The following HDGFL2 variants were observed in gnomAD, a reference collection of about 807,000 sequenced individuals.
The protein encoded by HDGFL2 is hepatoma-derived growth factor-related protein 2.
Under a neutral mutation model 77.1 loss-of-function variants are expected in HDGFL2, and 36 were observed. That is an observed-to-expected ratio of 0.47 (90% CI 0.36 to 0.62). The LOEUF is 0.62. HDGFL2 is among the 20% of genes least tolerant of loss of function. The pLI, the probability that HDGFL2 is intolerant of heterozygous loss-of-function variation, is 0.00. For missense variants in HDGFL2, 976 were observed against 973.4 expected, an observed-to-expected ratio of 1.00 and a Z score of -0.04; for synonymous variants, 463 against 413.1, an observed-to-expected ratio of 1.12 and a Z score of -1.46.
At chr19:4,493,573 G>A (rs1975606056) in intron 6 of HDGFL2, 130 bp from the exon 7 acceptor site, 2 of 1,204,536 alleles carry the variant, frequency 1.7e-6, no homozygotes, top group South Asian at 7.1e-5. Context: ...AGGGGATTCG[G>A]AGCCGGGCCC....
At chr19:4,476,457 T>C (rs1975076577) in intron 3 of HDGFL2, among the ~76,000 whole-genome samples, 1 of 151,694 alleles carries the variant, frequency 6.6e-6, no homozygotes, top group South Asian at 2.1e-4. Context: ...CCTCCCAAAG[T>C]GTTGGGGTTG....
Position 4,475,220 on chromosome 19 carries a change from G to A in HDGFL2, c.73-55G>A, listed in dbSNP as rs539587015. On this transcript the variant is annotated intron_variant, in intron 1 of 15. Coordinates refer to ENST00000616600, the MANE Select transcript of HDGFL2 (RefSeq NM_001001520.3). ...CCCCAAGTAACTTGGCTGATTTCTC[G>A]GTGATTTCCTGGGTCAGTGGGTAAA... 12 of 1,509,120 alleles carry A rather than the reference G, an allele frequency of 8.0e-6. No homozygotes were observed. In the Admixed American group the frequency reaches 1.2e-4, roughly 15 times the overall value. 93.5% of individuals were successfully genotyped at this position (1,509,120 alleles called of 1,614,324 possible).
intron 3 of HDGFL2, among the ~76,000 whole-genome samples, chr19:4,477,181 G>A (rs1292440877): frequency 2.0e-5 from 3 of 152,112 alleles, no homozygotes; most frequent in Admixed American, 6.6e-5. Flanking sequence ...GTGAGCATTT[G>A]CTCCAGGATC....
chr19:4,491,864 GC>G, intron 6 of HDGFL2, 29 bp downstream of exon 6: 1 of 1,596,844 alleles, frequency 6.3e-7, no homozygotes. Flanking sequence ...TGTTTCCCAT[GC>G]CCACTCGTGG....
Position 4,478,500 on chromosome 19 carries a change from C to T in HDGFL2, c.288+2917C>T, listed in dbSNP as rs182743559. 5.9e-5 allele frequency among the ~76,000 whole-genome samples: 9 copies of T among 152,020 alleles called. No individual in the cohort carries two copies. In the East Asian group the frequency reaches 1.7e-3, roughly 30 times the overall value. On this transcript the variant is annotated intron_variant, in intron 3 of 15. Coordinates refer to ENST00000616600, the MANE Select transcript of HDGFL2 (RefSeq NM_001001520.3). ...ACAGGTGTGAGCCACCACACCCAGC[C>T]CAGGCTCATTCTTTTAACAGCCTTA... is the stretch of plus-strand genomic sequence containing the variant.
intron 1 of HDGFL2, among the ~76,000 whole-genome samples, chr19:4,472,768 G>C (rs1411193390): frequency 1.3e-5 from 2 of 150,416 alleles, no homozygotes; most frequent in Non-Finnish European, 3.0e-5. Context: ...GTCTGGTGGT[G>C]TTCGGATCCT....
intron 15 of HDGFL2, chr19:4,501,616 C>A: frequency 2.1e-6 from 1 of 466,096 alleles, no homozygotes; most frequent in Non-Finnish European, 3.8e-6. Context: ...CACGGGCACC[C>A]GGCTATCTGA....
At chr19:4,473,692 G>A (rs546502077) in intron 1 of HDGFL2, among the ~76,000 whole-genome samples, 56 of 150,940 alleles carry the variant, frequency 3.7e-4, no homozygotes, top group Middle Eastern at 3.4e-3. Context: ...GAGGGGCTGG[G>A]GGTGGGGGAA....
intron 6 of HDGFL2, among the ~76,000 whole-genome samples, chr19:4,493,025 T>C: frequency 7.0e-6 from 1 of 143,584 alleles, no homozygotes; most frequent in Middle Eastern, 3.6e-3. Flanking sequence ...GTGTGTGTTA[T>C]CTGTGTGTGG....
In HDGFL2 at chr19:4,501,896, T is replaced by C. The variant is rs927399549; in HGVS notation, c.1917-15T>C. Reference sequence around the variant, plus strand: ...CGGGAGGGCATCCTCACACCGCCTTTGCTGTTCCCACCAGCAGCGTACGGG... The same window carrying C: ...CGGGAGGGCATCCTCACACCGCCTTCGCTGTTCCCACCAGCAGCGTACGGG... On this transcript the variant is annotated splice_polypyrimidine_tract_variant and intron_variant, in intron 15 of 15. Transcript: ENST00000616600. 25 of 1,438,504 alleles carry C rather than the reference T, an allele frequency of 1.7e-5. No homozygotes were observed. The highest frequency in any genetic ancestry group is 5.1e-4 in the Middle Eastern group (2 of 3,916). 89.1% of individuals were successfully genotyped at this position (1,438,504 alleles called of 1,614,324 possible).
chr19:4,475,462 A>G lies in HDGFL2; in HGVS notation c.167A>G (p.Lys56Arg), dbSNP rs1440239068. 7.4e-6 allele frequency: 12 copies of G among 1,613,072 alleles called. No homozygotes were observed. Among genetic ancestry groups the G allele is most frequent in the South Asian group, 1.1e-5 (1 of 91,054 alleles). Reference protein sequence around the residue: ...GTHETAFLGPKDLFPYDKCKD... With the variant: ...GTHETAFLGPRDLFPYDKCKD... ...TTCTCCAGAGCCTTCCTGGGACCCA[A>G]GGACCTGTTCCCCTACGACAAATGT... The change falls in exon 3 of 16, where the codon AAG becomes AGG. Residue 56 changes from lysine (K) to arginine (R), a missense_variant. Around this residue, in one of 5 missense-constraint regions of HDGFL2, gnomAD observed 103 missense variants for 145.7 expected, o/e 0.71. Coordinates refer to ENST00000616600, the MANE Select transcript of HDGFL2 (RefSeq NM_001001520.3).
At chr19:4,475,727 T>G in intron 3 of HDGFL2, 144 bp downstream of exon 3, 1 of 1,047,546 alleles carries the variant, frequency 9.5e-7, no homozygotes, top group Non-Finnish European at 1.3e-6. Flanking sequence ...CTGCAGGTGC[T>G]GAGCAGTGTC....
intron 1 of HDGFL2, among the ~76,000 whole-genome samples, chr19:4,474,219 G>A (rs1246758784): frequency 9.9e-5 from 15 of 152,108 alleles, no homozygotes; most frequent in African/African-American, 3.4e-4. Context: ...GGGAGGGGCT[G>A]TGGAGGGGGA....
At chr19:4,496,631 G>A (rs1975710061) in intron 10 of HDGFL2, among the ~76,000 whole-genome samples, 1 of 152,176 alleles carries the variant, frequency 6.6e-6, no homozygotes, top group African/African-American at 2.4e-5. Context: ...CGCCTCCAGA[G>A]ACACGGCCAC....
chr19:4,493,291 G>T (rs1258489080), intron 6 of HDGFL2, among the ~76,000 whole-genome samples: 1 of 142,186 alleles, frequency 7.0e-6, no homozygotes, highest in Non-Finnish European at 1.6e-5. Context: ...TCTGTGTGTG[G>T]TGTGTGTGTG....
intron 6 of HDGFL2, 60 bp downstream of exon 6, chr19:4,491,895 G>A: frequency 1.3e-6 from 2 of 1,483,540 alleles, no homozygotes; most frequent in Non-Finnish European, 1.9e-6. Flanking sequence ...GCGGTCTCCA[G>A]TGCTGTCCCC....
intron 14 of HDGFL2, among the ~76,000 whole-genome samples, chr19:4,500,076 G>A (rs1005078079): frequency 6.6e-6 from 1 of 152,030 alleles, no homozygotes; most frequent in Non-Finnish European, 1.5e-5. Flanking sequence ...GCAGTCGGTG[G>A]AGGCTCGGGG....
chr19:4,484,480 C>T (rs1975307720), intron 3 of HDGFL2, among the ~76,000 whole-genome samples: 1 of 141,854 alleles, frequency 7.0e-6, no homozygotes, highest in Non-Finnish European at 1.5e-5. Context: ...TCTCAGTGTA[C>T]CATTCTTGCT....
chr19:4,479,290 A>G (rs567298203), intron 3 of HDGFL2, among the ~76,000 whole-genome samples: 17 of 151,618 alleles, frequency 1.1e-4, no homozygotes, highest in African/African-American at 4.1e-4. Context: ...CTCTACAAAA[A>G]TACAAAAATT....
Sources: allele counts gnomAD v4.1 joint callset (sites outside exome capture counted in the v4.1 genomes callset), GRCh38; gene constraint gnomAD v4.1.1; regional missense constraint gnomAD v4.1.1; transcripts MANE v1.5; gene names NCBI Gene and HGNC (gene_info 2026-07-23, HGNC 2026-07-21).